ELAPOR1: variants seen among roughly 807,000 people sequenced by gnomAD.
ELAPOR1 encodes the protein endosome-lysosome associated apoptosis and autophagy regulator 1.
ELAPOR1 carries 77 observed loss-of-function variants against 119.7 expected under a neutral mutation model. That is an observed-to-expected ratio of 0.64 (90% CI 0.54 to 0.78). The LOEUF is 0.78. Ranked by LOEUF, ELAPOR1 falls within the 30% of genes least tolerant of loss-of-function variation. ELAPOR1 has a pLI of 0.00. For synonymous variants in ELAPOR1, 481 were observed against 487.2 expected, an observed-to-expected ratio of 0.99 and a Z score of 0.17; for missense variants, 1,115 against 1,270.4, an observed-to-expected ratio of 0.88 and a Z score of 1.86.
At chr1:109,139,915 G>T (rs1233783289) in intron 1 of ELAPOR1, among the ~76,000 whole-genome samples, 1 of 151,970 alleles carries the variant, frequency 6.6e-6, no homozygotes, top group Non-Finnish European at 1.5e-5. Flanking sequence ...GGGACCACAG[G>T]TGTGTGCCAC....
At chr1:109,185,863 A>G (rs370732516) in intron 8 of ELAPOR1, among the ~76,000 whole-genome samples, 57 of 152,222 alleles carry the variant, frequency 3.7e-4, no homozygotes, top group African/African-American at 1.1e-3. Flanking sequence ...AGCCTCTCAG[A>G]GGAGGCCATT....
At chr1:109,147,313 T>A (rs1159172005) in intron 1 of ELAPOR1, among the ~76,000 whole-genome samples, 1 of 152,172 alleles carries the variant, frequency 6.6e-6, no homozygotes, top group Admixed American at 6.6e-5. Flanking sequence ...GAAGCTTGAA[T>A]GCCTATTACT....
At chr1:109,160,458 C>A (rs911961508) in intron 1 of ELAPOR1, among the ~76,000 whole-genome samples, 3 of 152,106 alleles carry the variant, frequency 2.0e-5, no homozygotes, top group African/African-American at 7.2e-5. Context: ...CTTACTGTGT[C>A]AATTTTAAGA....
At chr1:109,158,891 CTT>C (rs543781555) in intron 1 of ELAPOR1, among the ~76,000 whole-genome samples, 56 of 128,658 alleles carry the variant, frequency 4.4e-4, no homozygotes, top group Admixed American at 4.0e-4. Flanking sequence ...AAGCTTATGT[CTT>C]TTTTTTTTTT....
At chr1:109,143,760 C>T (rs1163855159) in intron 1 of ELAPOR1, among the ~76,000 whole-genome samples, 1 of 151,932 alleles carries the variant, frequency 6.6e-6, no homozygotes, top group Non-Finnish European at 1.5e-5. Context: ...GCCTTGACCT[C>T]CCAGGCTCAA....
rs375236182 is a variant in ELAPOR1, at chr1:109,199,881, C to T, written c.2529C>T (p.Gly843=). The change falls in exon 19 of 22, where the codon GGC becomes GGT. Residue 843 remains glycine, a synonymous_variant. Coordinates refer to ENST00000369939, the MANE Select transcript of ELAPOR1 (RefSeq NM_020775.5). ...CGTGCTCGGATGGGACCTGTGATGG[C>T]TGCAACTTCCACTTCCTGTGGGAGA... The part of the protein sequence containing the change: ...PGTCSDGTCD[G]CNFHFLWESA... The T allele has an allele frequency of 4.3e-6, 7 of 1,613,194 alleles. No individual in the cohort carries two copies. In the African/African-American group the frequency reaches 9.3e-5, roughly 22 times the overall value.
intron 1 of ELAPOR1, among the ~76,000 whole-genome samples, chr1:109,139,959 C>T (rs535936628): frequency 3.3e-5 from 5 of 151,978 alleles, no homozygotes; most frequent in Admixed American, 6.6e-5. Context: ...GTTGGGGTTT[C>T]GCCATGTTGC....
chr1:109,165,073 C>T (rs1651501513), intron 3 of ELAPOR1, among the ~76,000 whole-genome samples: 1 of 152,028 alleles, frequency 6.6e-6, no homozygotes, highest in Non-Finnish European at 1.5e-5. Flanking sequence ...GGAGGATTGC[C>T]TGAGGCCAAG....
Position 109,191,848 on chromosome 1 carries a change from C to G in ELAPOR1, c.1668C>G (p.Thr556=). ...TTSFTWAFQR[T]TFHEASRKYT... is the part of the protein sequence containing the mutation. ...GCTTCACCTGGGCCTTCCAGAGGAC[C>G]ACTTTTCATGAGGCAGTAAGTTCCT... The change falls in exon 13 of 22, where the codon ACC becomes ACG. Residue 556 remains threonine (T), a synonymous_variant. Transcript: ENST00000369939. 1 of 1,614,202 alleles carries G rather than the reference C, an allele frequency of 6.2e-7. No homozygotes were observed. The highest frequency in any genetic ancestry group is 1.3e-5 in the African/African-American group (1 of 75,056).
intron 1 of ELAPOR1, among the ~76,000 whole-genome samples, chr1:109,148,295 C>T (rs1348699194): frequency 9.8e-5 from 3 of 30,756 alleles, no homozygotes; most frequent in Non-Finnish European, 1.3e-4. Flanking sequence ...CCCACCACCA[C>T]GCCTGGTTAA....
intron 3 of ELAPOR1, among the ~76,000 whole-genome samples, chr1:109,165,906 C>T (rs968777107): frequency 6.6e-6 from 1 of 150,960 alleles, no homozygotes; most frequent in Non-Finnish European, 1.5e-5. Flanking sequence ...CCACAATGCC[C>T]GGCTAATTTT....
chr1:109,166,600 GGAA>G (rs1258199468), intron 3 of ELAPOR1, among the ~76,000 whole-genome samples: 1 of 152,196 alleles, frequency 6.6e-6, no homozygotes, highest in South Asian at 2.1e-4. Context: ...ACAGAGACGA[GGAA>G]CTGGAAGCTC....
At chr1:109,152,551 A>C (rs1472748761) in intron 1 of ELAPOR1, among the ~76,000 whole-genome samples, 1 of 152,038 alleles carries the variant, frequency 6.6e-6, no homozygotes, top group African/African-American at 2.4e-5. Context: ...TTGGGTAGTT[A>C]TTCTTAGCCC....
chr1:109,144,825 A>G (rs1256784708), intron 1 of ELAPOR1, among the ~76,000 whole-genome samples: 1 of 152,170 alleles, frequency 6.6e-6, no homozygotes, highest in East Asian at 1.9e-4. Context: ...CCTAGATATT[A>G]TTGTATTGTG....
intron 3 of ELAPOR1, among the ~76,000 whole-genome samples, chr1:109,169,664 C>T (rs897028034): frequency 6.6e-6 from 1 of 152,192 alleles, no homozygotes; most frequent in African/African-American, 2.4e-5. Context: ...CTGTGACTCC[C>T]CACTATGTGC....
chr1:109,187,027 G>T, intron 8 of ELAPOR1: 1 of 985,598 alleles, frequency 1.0e-6, no homozygotes, highest in Non-Finnish European at 1.2e-6. Context: ...GCAGACTTCT[G>T]CTTTGTGCCT....
chr1:109,200,333 G>A, intron 20 of ELAPOR1, 96 bp downstream of exon 20: 4 of 1,411,378 alleles, frequency 2.8e-6, no homozygotes, highest in Non-Finnish European at 3.9e-6. Flanking sequence ...TTTTTCTCTG[G>A]AGTTGGCTAC....
intron 7 of ELAPOR1, among the ~76,000 whole-genome samples, chr1:109,177,282 C>G (rs1217502202): frequency 1.1e-4 from 16 of 146,132 alleles, no homozygotes; most frequent in East Asian, 2.0e-4. Context: ...CGGGCAGAGA[C>G]GCTCCTCACT....
rs138936670 is a variant in ELAPOR1 at position 109,172,358 on chromosome 1, C to T, written c.616-130C>T. On this transcript the variant is annotated intron_variant, in intron 4 of 21. Coordinates refer to ENST00000369939, the MANE Select transcript of ELAPOR1 (RefSeq NM_020775.5). The stretch of plus-strand genomic sequence containing the variant: ...CTTTGAGGCTCATGTGTTTTGAGCT[C>T]AATCCCTAAAGGAAATTGGCAACTC... The T allele has an allele frequency of 1.6e-3, 1,097 of 684,292 alleles. 5 individuals are homozygous for T. Among genetic ancestry groups the T allele is most frequent in the Admixed American group, 2.3e-3 (84 of 36,126 alleles). 42.4% of individuals were successfully genotyped at this position (684,292 alleles called of 1,614,324 possible). A position where few individuals can be genotyped will look rare whatever the true frequency, so the allele number is the denominator to read the frequency against.
Sources: gnomAD v4.1 joint callset for allele counts (sites outside exome capture counted in the v4.1 genomes callset) on GRCh38, gnomAD v4.1.1 for gene constraint, MANE v1.5 for transcripts, NCBI Gene and HGNC (gene_info 2026-07-23, HGNC 2026-07-21) for gene names.